Variants in ELAVL2 observed in about 807,000 individuals in gnomAD.
The protein encoded by ELAVL2 is ELAV like RNA binding protein 2.
A neutral mutation model predicts 34.6 loss-of-function variants in ELAVL2; 4 were observed. The observed-to-expected ratio is 0.12, with a 90% CI of 0.06 to 0.26. ELAVL2 has a LOEUF of 0.26. Among genes scored for constraint, ELAVL2 ranks in the 10% least tolerant of loss-of-function variants. The pLI is 1.00. For missense variants in ELAVL2, 432 were observed against 442.8 expected, an observed-to-expected ratio of 0.98 and a Z score of 0.22; for synonymous variants, 193 against 154.8, an observed-to-expected ratio of 1.25 and a Z score of -1.83.
chr9:23,845,557 A>T, the ELAVL2 span, among the ~76,000 whole-genome samples: 2 of 151,726 alleles, frequency 1.3e-5, no homozygotes, highest in Admixed American at 1.3e-4. Flanking sequence ...TGAAATGCTC[A>T]AGCCTCATAA....
At chr9:23,696,406 A>G (rs1195897129) in intron 5 of ELAVL2, among the ~76,000 whole-genome samples, 4 of 152,152 alleles carry the variant, frequency 2.6e-5, no homozygotes, top group Non-Finnish European at 5.9e-5. Context: ...CACAAGGACT[A>G]CTACAACAAG....
chr9:23,816,012 C>T (rs1462035153), intron 1 of ELAVL2, among the ~76,000 whole-genome samples: 3 of 152,112 alleles, frequency 2.0e-5, no homozygotes, highest in African/African-American at 7.2e-5. Context: ...TATAAGAAGA[C>T]AACTCTAATT....
At chr9:23,760,437 A>AT (rs1339263925) in intron 2 of ELAVL2, among the ~76,000 whole-genome samples, 1 of 152,000 alleles carries the variant, frequency 6.6e-6, no homozygotes, top group Non-Finnish European at 1.5e-5. Flanking sequence ...TATCTTTTAT[A>AT]TTAAAAAGGT....
intron 3 of ELAVL2, among the ~76,000 whole-genome samples, chr9:23,723,526 G>A (rs1045704900): frequency 3.3e-5 from 5 of 151,484 alleles, no homozygotes; most frequent in Admixed American, 1.3e-4. Flanking sequence ...TAACTGACCT[G>A]CACATTGTGC....
chr9:23,786,576 C>T (rs2059703837), intron 1 of ELAVL2, among the ~76,000 whole-genome samples: 1 of 152,016 alleles, frequency 6.6e-6, no homozygotes, highest in Non-Finnish European at 1.5e-5. Context: ...TCCCTTTCAA[C>T]TGGTGTTGAT....
At chr9:23,698,282 T>C (rs569620549) in intron 5 of ELAVL2, among the ~76,000 whole-genome samples, 4 of 152,298 alleles carry the variant, frequency 2.6e-5, no homozygotes, top group South Asian at 4.1e-4. Context: ...TCCAAATAAA[T>C]AAGGCTTGTC....
chr9:23,771,797 A>G (rs1286222278), intron 1 of ELAVL2, among the ~76,000 whole-genome samples: 1 of 152,206 alleles, frequency 6.6e-6, no homozygotes, highest in African/African-American at 2.4e-5. Flanking sequence ...AATGGGAGTA[A>G]ACTTTAAAAT....
At chr9:23,841,298 G>A in the ELAVL2 span, among the ~76,000 whole-genome samples, 2 of 152,168 alleles carry the variant, frequency 1.3e-5, no homozygotes, top group Non-Finnish European at 2.9e-5. Flanking sequence ...GGGTGCAGCT[G>A]GTACATTCTC....
rs184811259 is a variant in ELAVL2, at chr9:23,744,859, A to G, written c.230-13734T>C. On this transcript the variant is annotated intron_variant, in intron 2 of 6. Coordinates refer to ENST00000397312, the MANE Select transcript of ELAVL2 (RefSeq NM_004432.5). ...TGTTCCTTCATTTGCACTCTCTGTC[A>G]TTGTAATCTATGACTTAAAGAAAAT... Among the ~76,000 whole-genome samples the G allele has an allele frequency of 1.4e-3, 210 of 152,268 alleles. 1 individual carries two copies. Among genetic ancestry groups the G allele is most frequent in the African/African-American group, 4.8e-3 (199 of 41,546 alleles).
At chr9:23,792,239 G>C (rs963183676) in intron 1 of ELAVL2, among the ~76,000 whole-genome samples, 10 of 152,224 alleles carry the variant, frequency 6.6e-5, no homozygotes, top group Non-Finnish European at 1.5e-5. Flanking sequence ...CGAAAGCTAT[G>C]ATGTTAAGCA....
chr9:23,759,040 G>A (rs111963568), intron 2 of ELAVL2, among the ~76,000 whole-genome samples: 157 of 152,026 alleles, frequency 1.0e-3, no homozygotes, highest in African/African-American at 3.6e-3. Context: ...CAGAACTACC[G>A]TATGATCCAG....
chr9:23,798,792 A>T (rs1475306749), intron 1 of ELAVL2, among the ~76,000 whole-genome samples: 1 of 151,984 alleles, frequency 6.6e-6, no homozygotes, highest in Non-Finnish European at 1.5e-5. Context: ...TCCCTTCTCG[A>T]TGGTTTAAAA....
At position 23,743,676 on chromosome 9, in the gene ELAVL2, A is replaced by G. The variant is rs1303062743; in HGVS notation, c.230-12551T>C. Among the ~76,000 whole-genome samples, 7 of 152,304 alleles carry G rather than the reference A, an allele frequency of 4.6e-5. No individual in the cohort carries two copies. In the East Asian group the frequency reaches 1.4e-3, roughly 29 times the overall value. ...TATGAAACAGGAAAAACCTAAACAC[A>G]AAAATAATTTTAACATATTACCATT... is the stretch of plus-strand genomic sequence containing the variant. On this transcript the variant is annotated intron_variant, in intron 2 of 6. Coordinates refer to ENST00000397312, the MANE Select transcript of ELAVL2 (RefSeq NM_004432.5).
intron 5 of ELAVL2, among the ~76,000 whole-genome samples, chr9:23,694,347 A>ATAT (rs1458805135): frequency 6.6e-6 from 1 of 152,308 alleles, no homozygotes; most frequent in African/African-American, 2.4e-5. Context: ...CCTATATCAA[A>ATAT]TATTAGTTTT....
At chr9:23,835,548 G>T in the ELAVL2 span, among the ~76,000 whole-genome samples, 1 of 152,038 alleles carries the variant, frequency 6.6e-6, no homozygotes, top group Non-Finnish European at 1.5e-5. Context: ...ATATCTAAAG[G>T]AATATAGAGG....
At chr9:23,696,352 T>C (rs2035213231) in intron 5 of ELAVL2, among the ~76,000 whole-genome samples, 1 of 152,156 alleles carries the variant, frequency 6.6e-6, no homozygotes, top group Non-Finnish European at 1.5e-5. Context: ...GTTGGCAAAC[T>C]GTAACACAGG....
chr9:23,728,838 A>G (rs961475628), intron 3 of ELAVL2, among the ~76,000 whole-genome samples: 5 of 152,110 alleles, frequency 3.3e-5, no homozygotes, highest in African/African-American at 1.2e-4. Flanking sequence ...TCTTAGACAA[A>G]TGTGGGCCAA....
chr9:23,750,209 C>G (rs1481154862), intron 2 of ELAVL2, among the ~76,000 whole-genome samples: 1 of 152,038 alleles, frequency 6.6e-6, no homozygotes, highest in Non-Finnish European at 1.5e-5. Flanking sequence ...CCATATTCTA[C>G]TTTTAAGTAG....
At chr9:23,768,987 G>A (rs772193103) in intron 1 of ELAVL2, among the ~76,000 whole-genome samples, 8 of 152,076 alleles carry the variant, frequency 5.3e-5, no homozygotes, top group Non-Finnish European at 5.9e-5. Context: ...CTCTCAGGCT[G>A]GAAAGGTCCA....
Sources: gnomAD v4.1 joint callset for allele counts (sites outside exome capture counted in the v4.1 genomes callset) on GRCh38, gnomAD v4.1.1 for gene constraint, MANE v1.5 for transcripts, NCBI Gene and HGNC (gene_info 2026-07-23, HGNC 2026-07-21) for gene names.